The following TLN2 variants were observed in gnomAD, a reference collection of about 807,000 sequenced individuals.
TLN2 encodes talin 2.
Under a neutral mutation model 294.7 loss-of-function variants are expected in TLN2, and 118 were observed. That is an observed-to-expected ratio of 0.40 (90% CI 0.34 to 0.47). TLN2 has a LOEUF of 0.47. Ranked by LOEUF, TLN2 falls within the 20% of genes least tolerant of loss-of-function variation. The probability of loss-of-function intolerance (pLI) is 0.84; values close to 1 mark genes in which losing one functional copy is unlikely to be tolerated. For missense variants in TLN2, 3,083 were observed against 3,282.2 expected (o/e 0.94, Z 1.48); for synonymous variants, 1,431 against 1,304.5 (o/e 1.10, Z -2.09).
At chr15:62,663,037 A>G (rs2054077044) in intron 9 of TLN2, among the ~76,000 whole-genome samples, 1 of 151,956 alleles carries the variant, frequency 6.6e-6, no homozygotes, top group Non-Finnish European at 1.5e-5. Context: ...GTTAGCCAGG[A>G]TGGTCTCGAT....
intron 1 of TLN2, among the ~76,000 whole-genome samples, chr15:62,465,378 C>G (rs2037070517): frequency 6.6e-6 from 1 of 152,124 alleles, no homozygotes; most frequent in Non-Finnish European, 1.5e-5. Context: ...GTCTCCGACT[C>G]TTTCAGAGAA....
At chr15:62,704,275 C>T (rs1359463990) in intron 19 of TLN2, among the ~76,000 whole-genome samples, 4 of 152,110 alleles carry the variant, frequency 2.6e-5, no homozygotes, top group Admixed American at 2.0e-4. Flanking sequence ...CTACCTGACA[C>T]TTCTAAATAC....
chr15:62,531,066 T>A (rs1204650104), intron 1 of TLN2, among the ~76,000 whole-genome samples: 1 of 152,228 alleles, frequency 6.6e-6, no homozygotes, highest in Non-Finnish European at 1.5e-5. Context: ...AGACCCAGTA[T>A]TCCCACTTTT....
At chr15:62,829,976 CTT>C (rs1416247037) in intron 54 of TLN2, 1 of 152,178 alleles carries the variant, frequency 6.6e-6, no homozygotes, top group Admixed American at 6.5e-5. Context: ...GGATCTCACT[CTT>C]TTTTATGGCT....
chr15:62,740,032 A>G (rs1344262065), intron 31 of TLN2, among the ~76,000 whole-genome samples: 1 of 149,464 alleles, frequency 6.7e-6, no homozygotes, highest in Non-Finnish European at 1.5e-5. Context: ...GTCAGCTTGC[A>G]GAGCTGTGTT....
chr15:62,492,562 A>T (rs2038804400), intron 1 of TLN2, among the ~76,000 whole-genome samples: 2 of 147,026 alleles, frequency 1.4e-5, no homozygotes, highest in African/African-American at 5.2e-5. Context: ...AAAAAAAAAG[A>T]AAAAAAGAAA....
intron 54 of TLN2, among the ~76,000 whole-genome samples, chr15:62,822,587 G>A (rs1261755965): frequency 6.6e-6 from 1 of 152,170 alleles, no homozygotes; most frequent in East Asian, 1.9e-4. Flanking sequence ...ATGGCCCTGG[G>A]TGGCAGTTTC....
intron 15 of TLN2, 87 bp downstream of exon 15, chr15:62,697,955 G>A (rs2058464955): frequency 2.0e-6 from 3 of 1,469,708 alleles, no homozygotes; most frequent in East Asian, 2.5e-5. Flanking sequence ...TGGGCTGAGT[G>A]TTGGAACGCT....
At chr15:62,424,575 A>G (rs149461592) in intron 1 of TLN2, among the ~76,000 whole-genome samples, 2 of 152,132 alleles carry the variant, frequency 1.3e-5, no homozygotes, top group Admixed American at 6.6e-5. Context: ...GGAGCTTTTA[A>G]TCCACACCAG....
chr15:62,786,757 C>T (rs1447159940), intron 45 of TLN2, among the ~76,000 whole-genome samples: 7 of 152,154 alleles, frequency 4.6e-5, no homozygotes, highest in African/African-American at 1.7e-4. Flanking sequence ...CCAAGACACA[C>T]GTGCTGGAGG....
In TLN2 at chr15:62,766,305, C is replaced by T. The variant is rs746027968; in HGVS notation, c.5095-16C>T. On this transcript the variant is annotated splice_polypyrimidine_tract_variant and intron_variant, in intron 40 of 58. Transcript: ENST00000636159. Reference sequence around the variant, plus strand: ...GAGCTGTTATGGGATGAACTTGACACTTCTCTCCTTATCAGGCCCTGCAGG... The same window carrying T: ...GAGCTGTTATGGGATGAACTTGACATTTCTCTCCTTATCAGGCCCTGCAGG... The T allele has an allele frequency of 1.2e-6, 2 of 1,606,900 alleles. No individual in the cohort carries two copies. The highest frequency in any genetic ancestry group is 2.2e-5 in the East Asian group (1 of 44,654).
At chr15:62,744,530 A>G (rs1258650557) in intron 32 of TLN2, among the ~76,000 whole-genome samples, 1 of 149,530 alleles carries the variant, frequency 6.7e-6, no homozygotes, top group Non-Finnish European at 1.5e-5. Context: ...GCCCAGCTAG[A>G]TGATTATTAT....
At chr15:62,522,972 AC>A (rs2040541929) in intron 1 of TLN2, among the ~76,000 whole-genome samples, 1 of 139,100 alleles carries the variant, frequency 7.2e-6, no homozygotes, top group Non-Finnish European at 1.5e-5. Flanking sequence ...ACACACACAC[AC>A]ACACACTCTC....
chr15:62,412,410 TG>T (rs2140256103), intron 1 of TLN2, among the ~76,000 whole-genome samples: 1 of 152,350 alleles, frequency 6.6e-6, no homozygotes, highest in Admixed American at 6.5e-5. Context: ...CTTGAACCTG[TG>T]GTCTTTCATC....
At position 62,459,696 on chromosome 15, in the gene TLN2, A is replaced by C. The variant is rs576030851; in HGVS notation, c.-238+69011A>C. 2.6e-5 allele frequency among the ~76,000 whole-genome samples: 4 copies of C among 152,184 alleles called. No individual in the cohort carries two copies. The South Asian group carries it at 6.2e-4, about 24-fold the overall frequency. On this transcript the variant is annotated intron_variant, in intron 1 of 58. Coordinates refer to ENST00000636159, the MANE Select transcript of TLN2 (RefSeq NM_015059.3). The stretch of plus-strand genomic sequence containing the variant: ...CCTTTTGCTTGCTAACTTTGAGTTG[A>C]GTCTTAGTAGGTGTCCTGGGGCAGG...
At chr15:62,470,539 G>C (rs1245231013) in intron 1 of TLN2, among the ~76,000 whole-genome samples, 3 of 152,228 alleles carry the variant, frequency 2.0e-5, no homozygotes, top group Admixed American at 6.5e-5. Context: ...CAGAGAGCAC[G>C]GGCAGGAAGA....
In TLN2 at chr15:62,640,317, T is replaced by C. The variant is rs199684365; in HGVS notation, c.-36-6958T>C. 5 of 455,844 alleles carry C rather than the reference T, an allele frequency of 1.1e-5. No homozygotes were observed. The East Asian group carries it at 2.1e-4, about 19-fold the overall frequency. The allele number at this position is 455,844 out of a possible 1,614,324, so 28.2% of individuals were successfully genotyped here. On this transcript the variant is annotated intron_variant, in intron 3 of 58. Transcript: ENST00000636159. ...TTATAGCAAGTACAGCCATCCAAAATTGGGCACAGAGGCCTTCCCAGGAGG... is the reference window on the plus strand; with the variant it reads ...TTATAGCAAGTACAGCCATCCAAAACTGGGCACAGAGGCCTTCCCAGGAGG...
chr15:62,540,911 G>A (rs1266550708), intron 1 of TLN2, among the ~76,000 whole-genome samples: 1 of 152,080 alleles, frequency 6.6e-6, no homozygotes, highest in Admixed American at 6.5e-5. Flanking sequence ...GGGATCTGGA[G>A]GTATTTCCCC....
At chr15:62,721,110 T>C (rs2060121487) in intron 25 of TLN2, among the ~76,000 whole-genome samples, 1 of 152,196 alleles carries the variant, frequency 6.6e-6, no homozygotes, top group Non-Finnish European at 1.5e-5. Flanking sequence ...CCTTTTTCTT[T>C]TGTTCTTTTA....
Sources: gnomAD v4.1 joint callset for allele counts (sites outside exome capture counted in the v4.1 genomes callset) on GRCh38, gnomAD v4.1.1 for gene constraint, MANE v1.5 for transcripts, NCBI Gene and HGNC (gene_info 2026-07-23, HGNC 2026-07-21) for gene names.